Variants in BICC1 observed in about 807,000 individuals in gnomAD.
BICC1 encodes BicC family RNA binding protein 1.
Under a neutral mutation model 111.0 loss-of-function variants are expected in BICC1, and 43 were observed. The ratio of observed to expected loss-of-function variants is 0.39; its 90% confidence interval spans 0.30 to 0.50. BICC1 has a LOEUF of 0.50. Among genes scored for constraint, BICC1 ranks in the 20% least tolerant of loss-of-function variants. The pLI, the probability that BICC1 is intolerant of heterozygous loss-of-function variation, is 0.88. For synonymous variants in BICC1, 467 were observed against 434.4 expected (o/e 1.07, Z -0.93); for missense variants, 1,091 against 1,203.2 (o/e 0.91, Z 1.38).
chr10:58,549,696 T>C (rs1181750099), intron 1 of BICC1, among the ~76,000 whole-genome samples: 2 of 151,710 alleles, frequency 1.3e-5, no homozygotes, highest in African/African-American at 2.4e-5. Flanking sequence ...TTTTTCTTTT[T>C]TTTTTTTGAG....
In BICC1 at chr10:58,778,083, C is replaced by T. The variant is rs922072093; in HGVS notation, c.308-6918C>T. 6.6e-5 allele frequency among the ~76,000 whole-genome samples: 10 copies of T among 151,798 alleles called. No individual in the cohort carries two copies. The South Asian group carries it at 1.0e-3, about 16-fold the overall frequency. ...AAAAAATTAGCCAGGCATGGTGGCC[C>T]GTGCCTGTAGTCCCAGCTACTCAGG... On this transcript the variant is annotated intron_variant, in intron 3 of 20. Coordinates refer to ENST00000373886, the MANE Select transcript of BICC1 (RefSeq NM_001080512.3).
chr10:58,528,101 C>G (rs1564472524), intron 1 of BICC1, among the ~76,000 whole-genome samples: 1 of 151,878 alleles, frequency 6.6e-6, no homozygotes, highest in African/African-American at 2.4e-5. Flanking sequence ...ATAAATGACC[C>G]ATGATGGATC....
chr10:58,780,498 G>A (rs547393767), intron 3 of BICC1, among the ~76,000 whole-genome samples: 1 of 152,108 alleles, frequency 6.6e-6, no homozygotes, highest in African/African-American at 2.4e-5. Context: ...ACAGATTTTT[G>A]ATGAAAGATT....
chr10:58,604,933 CAT>C (rs1361407328), intron 1 of BICC1, among the ~76,000 whole-genome samples: 1 of 152,124 alleles, frequency 6.6e-6, no homozygotes, highest in African/African-American at 2.4e-5. Context: ...TTTGTTTCCT[CAT>C]GTGGTGGAAG....
At chr10:58,515,168 C>T (rs1427200) in intron 1 of BICC1, among the ~76,000 whole-genome samples, 77,688 of 152,042 alleles carry the variant, frequency 0.51, 20,301 homozygotes, top group African/African-American at 0.61. Context: ...AGATGTGATA[C>T]TACGATCTGA....
intron 3 of BICC1, among the ~76,000 whole-genome samples, 186 bp downstream of exon 3, chr10:58,702,329 ATATTAAC>A (rs1179648369): frequency 6.6e-6 from 1 of 152,252 alleles, no homozygotes; most frequent in Non-Finnish European, 1.5e-5. Flanking sequence ...CAACAGAAAA[ATATTAAC>A]TATTAACATT....
intron 3 of BICC1, among the ~76,000 whole-genome samples, chr10:58,717,995 A>G (rs1840802946): frequency 1.3e-5 from 2 of 152,212 alleles, no homozygotes; most frequent in African/African-American, 4.8e-5. Flanking sequence ...CACTTTCTTA[A>G]TAGAAAAGTT....
intron 1 of BICC1, among the ~76,000 whole-genome samples, chr10:58,596,942 T>C (rs557584623): frequency 6.6e-6 from 1 of 152,196 alleles, no homozygotes; most frequent in Admixed American, 6.5e-5. Context: ...TGCTCATGGA[T>C]AGGAAGAATC....
At chr10:58,677,994 A>G (rs1442282965) in intron 2 of BICC1, among the ~76,000 whole-genome samples, 1 of 152,194 alleles carries the variant, frequency 6.6e-6, no homozygotes, top group Non-Finnish European at 1.5e-5. Context: ...GCAACTGCTG[A>G]GGGATATTGT....
chr10:58,591,491 C>T (rs1174698578), intron 1 of BICC1, among the ~76,000 whole-genome samples: 1 of 152,122 alleles, frequency 6.6e-6, no homozygotes, highest in Non-Finnish European at 1.5e-5. Context: ...GGCAAAGGAC[C>T]TCTCTAGGTT....
intron 2 of BICC1, among the ~76,000 whole-genome samples, chr10:58,649,772 G>A (rs1838385132): frequency 6.6e-6 from 1 of 152,040 alleles, no homozygotes; most frequent in South Asian, 2.1e-4. Flanking sequence ...AATCCTTCTA[G>A]CAACATGGGA....
chr10:58,681,361 ACT>A (rs1426189906), intron 2 of BICC1, among the ~76,000 whole-genome samples: 1 of 152,260 alleles, frequency 6.6e-6, no homozygotes, highest in Non-Finnish European at 1.5e-5. Context: ...ATGAACAGAC[ACT>A]TTCAAAAGAA....
intron 2 of BICC1, among the ~76,000 whole-genome samples, chr10:58,657,670 A>G (rs1838702520): frequency 6.6e-6 from 1 of 152,204 alleles, no homozygotes. Flanking sequence ...TAATGTTAAA[A>G]GAGCTTCAGT....
intron 3 of BICC1, among the ~76,000 whole-genome samples, chr10:58,760,713 G>A (rs1021629461): frequency 2.0e-5 from 3 of 152,062 alleles, no homozygotes; most frequent in Non-Finnish European, 1.5e-5. Context: ...ACCATTCAAA[G>A]GAGAATCATA....
chr10:58,583,584 C>CTCTGTGTGTG, intron 1 of BICC1, among the ~76,000 whole-genome samples: 1 of 139,438 alleles, frequency 7.2e-6, no homozygotes, highest in African/African-American at 2.6e-5. Context: ...TTCTCTCTCT[C>CTCTGTGTGTG]TGTGTGTGTG....
At position 58,824,090 on chromosome 10, in the gene BICC1, T is replaced by C. The variant is rs1844327412; in HGVS notation, c.2794+3622T>C. The stretch of plus-strand genomic sequence containing the variant: ...TAAAATAGCAAATAAAGCTCTGTTA[T>C]CTGGCATACTTGGAACTATCGATTT... On this transcript the variant is annotated intron_variant, in intron 20 of 20. Transcript: ENST00000373886. 7 of 984,452 alleles carry C rather than the reference T, an allele frequency of 7.1e-6. No homozygotes were observed. The South Asian group carries it at 2.8e-4, about 40-fold the overall frequency. The allele number at this position is 984,452 out of a possible 1,614,324, so 61.0% of individuals were successfully genotyped here. A position where few individuals can be genotyped will look rare whatever the true frequency, so the allele number is the denominator to read the frequency against.
intron 2 of BICC1, among the ~76,000 whole-genome samples, chr10:58,627,633 GC>G (rs1305066353): frequency 6.6e-6 from 1 of 152,210 alleles, no homozygotes; most frequent in African/African-American, 2.4e-5. Flanking sequence ...GGTGGCATTA[GC>G]TGTTTGTGAG....
intron 1 of BICC1, among the ~76,000 whole-genome samples, chr10:58,563,338 C>G (rs1241804764): frequency 1.3e-5 from 2 of 152,072 alleles, no homozygotes; most frequent in African/African-American, 4.8e-5. Flanking sequence ...CTCCCTGTAC[C>G]CTGACTAAAG....
intron 3 of BICC1, chr10:58,715,635 C>T (rs1037690579): frequency 1.1e-5 from 18 of 1,605,286 alleles, no homozygotes; most frequent in African/African-American, 2.7e-5. Context: ...GTCTTCAGGG[C>T]CAACAATACA....
Sources: gnomAD v4.1 joint callset for allele counts (sites outside exome capture counted in the v4.1 genomes callset) on GRCh38, gnomAD v4.1.1 for gene constraint, MANE v1.5 for transcripts, NCBI Gene and HGNC (gene_info 2026-07-23, HGNC 2026-07-21) for gene names.